Variants in OSBPL9 observed in about 807,000 individuals in gnomAD.
The protein encoded by OSBPL9 is oxysterol-binding protein-related protein 9.
OSBPL9 carries 40 observed loss-of-function variants against 106.6 expected under a neutral mutation model. The observed-to-expected ratio is 0.38, with a 90% CI of 0.29 to 0.49. The LOEUF (loss-of-function observed/expected upper bound fraction) is 0.49, where lower values mean the gene tolerates loss of function less well. Ranked by LOEUF, OSBPL9 falls within the 20% of genes least tolerant of loss-of-function variation. OSBPL9 has a pLI of 0.97. For missense variants in OSBPL9, 609 were observed against 887.2 expected, an observed-to-expected ratio of 0.69 and a Z score of 3.98; for synonymous variants, 269 against 295.4, an observed-to-expected ratio of 0.91 and a Z score of 0.92.
chr1:51,698,777 G>T (rs574731664), intron 3 of OSBPL9, among the ~76,000 whole-genome samples: 1 of 152,316 alleles, frequency 6.6e-6, no homozygotes, highest in South Asian at 2.1e-4. Context: ...CCCTTTGCAG[G>T]ATTCACTCAG....
chr1:51,707,306 C>G (rs1299654207), intron 3 of OSBPL9: 1 of 204,094 alleles, frequency 4.9e-6, no homozygotes, highest in Non-Finnish European at 1.0e-5. Flanking sequence ...GAGGAGACAC[C>G]CGGGTGTTCA....
At chr1:51,757,414 A>G (rs1459861300) in intron 9 of OSBPL9, among the ~76,000 whole-genome samples, 1 of 151,990 alleles carries the variant, frequency 6.6e-6, no homozygotes, top group African/African-American at 2.4e-5. Flanking sequence ...CTCATAGGAA[A>G]GGACTGTATG....
intron 14 of OSBPL9, 123 bp downstream of exon 14, chr1:51,772,846 A>T (rs1398596603): frequency 5.4e-6 from 4 of 735,406 alleles, no homozygotes; most frequent in African/African-American, 5.2e-5. Flanking sequence ...TCTTCTTGTG[A>T]TTTAATATAG....
intron 2 of OSBPL9, among the ~76,000 whole-genome samples, chr1:51,600,376 A>G (rs936656469): frequency 6.6e-6 from 1 of 152,164 alleles, no homozygotes; most frequent in African/African-American, 2.4e-5. Context: ...TTGAGGCCAT[A>G]TCATGATTTT....
At chr1:51,658,307 T>C (rs1465110919) in intron 2 of OSBPL9, among the ~76,000 whole-genome samples, 1 of 152,116 alleles carries the variant, frequency 6.6e-6, no homozygotes, top group Non-Finnish European at 1.5e-5. Flanking sequence ...GATTAGTTAA[T>C]ACATTTTGAA....
chr1:51,524,075 G>C, the OSBPL9 span, among the ~76,000 whole-genome samples: 7 of 152,304 alleles, frequency 4.6e-5, no homozygotes, highest in Admixed American at 3.9e-4. Context: ...TCTGAAGCTC[G>C]TGCTTCTAAG....
intron 1 of OSBPL9, among the ~76,000 whole-genome samples, chr1:51,586,040 G>A (rs1645245833): frequency 6.6e-6 from 1 of 151,326 alleles, no homozygotes; most frequent in South Asian, 2.1e-4. Context: ...GGGCATAGGT[G>A]GCGCACACCT....
chr1:51,519,995 C>T, the OSBPL9 span, among the ~76,000 whole-genome samples: 1 of 152,224 alleles, frequency 6.6e-6, no homozygotes, highest in Non-Finnish European at 1.5e-5. Context: ...CTCCCATCAT[C>T]CACTTAGCAA....
At chr1:51,630,314 G>A (rs1645031323) in intron 1 of OSBPL9, among the ~76,000 whole-genome samples, 1 of 152,100 alleles carries the variant, frequency 6.6e-6, no homozygotes, top group African/African-American at 2.4e-5. Context: ...GACAAGGTTA[G>A]AGGGACCTTG....
At chr1:51,713,628 G>A (rs889450145) in intron 3 of OSBPL9, among the ~76,000 whole-genome samples, 1 of 152,088 alleles carries the variant, frequency 6.6e-6, no homozygotes, top group Non-Finnish European at 1.5e-5. Flanking sequence ...CTAAATACAA[G>A]GTTTATCTTC....
the OSBPL9 span, among the ~76,000 whole-genome samples, chr1:51,553,647 G>A: frequency 1.3e-5 from 2 of 151,978 alleles, no homozygotes; most frequent in African/African-American, 4.8e-5. Flanking sequence ...TTTGAAACCA[G>A]CCTGGGCAAC....
At chr1:51,612,360 C>T (rs1250666702), upstream of OSBPL9, among the ~76,000 whole-genome samples, 8 of 152,086 alleles carry the variant, frequency 5.3e-5, no homozygotes, top group Admixed American at 5.2e-4. Context: ...TGAATCTGTC[C>T]CAGCTCCTGT....
intron 1 of OSBPL9, among the ~76,000 whole-genome samples, chr1:51,637,457 G>T (rs1645522073): frequency 6.6e-6 from 1 of 152,128 alleles, no homozygotes; most frequent in African/African-American, 2.4e-5. Flanking sequence ...TGGGCAACAA[G>T]AGTGAAACTC....
At chr1:51,535,938 A>G in the OSBPL9 span, among the ~76,000 whole-genome samples, 1 of 152,308 alleles carries the variant, frequency 6.6e-6, no homozygotes, top group East Asian at 1.9e-4. Context: ...AAATATTACA[A>G]AGAATTCCCA....
intron 1 of OSBPL9, among the ~76,000 whole-genome samples, chr1:51,651,510 G>A (rs1454116253): frequency 6.6e-6 from 1 of 152,120 alleles, no homozygotes; most frequent in African/African-American, 2.4e-5. Flanking sequence ...GGCTGAGGCA[G>A]GAGAATCGCT....
the OSBPL9 span, among the ~76,000 whole-genome samples, chr1:51,536,504 G>T: frequency 6.6e-6 from 1 of 152,028 alleles, no homozygotes; most frequent in Non-Finnish European, 1.5e-5. Context: ...TTTTTGTAGA[G>T]GTGGGGTCTC....
chr1:51,659,353 G>C (rs1647000281), intron 2 of OSBPL9, among the ~76,000 whole-genome samples: 2 of 151,998 alleles, frequency 1.3e-5, no homozygotes. Context: ...AATAGAAATT[G>C]TGAAATATTT....
intron 1 of OSBPL9, among the ~76,000 whole-genome samples, chr1:51,627,241 T>A (rs1644820220): frequency 6.6e-6 from 1 of 152,078 alleles, no homozygotes; most frequent in South Asian, 2.1e-4. Context: ...GCTGAAATGA[T>A]CCTTCTGTCT....
chr1:51,729,709 G>A lies in OSBPL9; in HGVS notation c.318+15630G>A. Reference sequence around the variant, plus strand: ...CGTCTGCCTCTCACCTCCTACAGCAGGTGACCCATGGCCAATCGCCAGGGG... The same window carrying A: ...CGTCTGCCTCTCACCTCCTACAGCAAGTGACCCATGGCCAATCGCCAGGGG... On this transcript the variant is annotated intron_variant, in intron 4 of 23. Coordinates refer to ENST00000428468, the MANE Select transcript of OSBPL9 (RefSeq NM_024586.6). This position sits in a 1 kb window ranked among gnomAD's most constrained non-coding sequence, Gnocchi z 5.1. 1.4e-6 allele frequency: 1 copy of A among 706,054 alleles called. No individual in the cohort carries two copies. Among genetic ancestry groups the A allele is most frequent in the East Asian group, 3.6e-5 (1 of 27,988 alleles). The allele number at this position is 706,054 out of a possible 1,614,324, so 43.7% of individuals were successfully genotyped here.
Sources: allele counts gnomAD v4.1 joint callset (sites outside exome capture counted in the v4.1 genomes callset), GRCh38; gene constraint gnomAD v4.1.1; non-coding constraint Gnocchi (gnomAD v3.1); transcripts MANE v1.5; gene names NCBI Gene and HGNC (gene_info 2026-07-23, HGNC 2026-07-21).